DOCK2: variants seen among roughly 807,000 people sequenced by gnomAD.
The protein encoded by DOCK2 is dedicator of cytokinesis 2, also known as dedicator of cytokinesis protein 2.
DOCK2 carries 87 observed loss-of-function variants against 248.9 expected under a neutral mutation model. The ratio of observed to expected loss-of-function variants is 0.35; its 90% CI spans 0.29 to 0.42. The LOEUF (loss-of-function observed/expected upper bound fraction) is 0.42. Ranked by LOEUF, DOCK2 falls within the 10% of genes least tolerant of loss-of-function variation. The pLI is 1.00. For synonymous variants in DOCK2, 805 were observed against 821.6 expected (o/e 0.98, Z 0.35); for missense variants, 1,747 against 2,300.2 (o/e 0.76, Z 4.92).
Position 170,082,849 on chromosome 5 carries a change from G to C in DOCK2, c.5484G>C (p.Thr1828=), listed in dbSNP as rs140198889. ...EGKQIPDSLS[T]DL is the part of the protein sequence containing the mutation. ...AACAGATCCCAGACTCGCTGTCCAC[G>C]GACCTGTGAGCTGCTGCTGACTAGG... Residue 1828 remains threonine (T), a synonymous_variant, in exon 52 of 52, where the codon ACG becomes ACC. Coordinates refer to ENST00000520908, the MANE Select transcript of DOCK2 (RefSeq NM_004946.3). 1.2e-6 allele frequency: 2 copies of C among 1,614,162 alleles called. No individual in the cohort carries two copies. Among genetic ancestry groups the C allele is most frequent in the Non-Finnish European group, 1.7e-6 (2 of 1,180,018 alleles).
chr5:169,788,590 A>T (rs1766134793), intron 25 of DOCK2, among the ~76,000 whole-genome samples: 1 of 152,016 alleles, frequency 6.6e-6, no homozygotes, highest in Non-Finnish European at 1.5e-5. Context: ...TGATCAACAA[A>T]CTCTAGAACT....
chr5:169,809,087 C>A (rs1452192194), intron 26 of DOCK2, among the ~76,000 whole-genome samples: 1 of 151,962 alleles, frequency 6.6e-6, no homozygotes, highest in Non-Finnish European at 1.5e-5. Context: ...CACCTCCTGG[C>A]TCAAGCAATT....
At chr5:169,812,128 G>A (rs966504968) in intron 26 of DOCK2, among the ~76,000 whole-genome samples, 2 of 152,234 alleles carry the variant, frequency 1.3e-5, no homozygotes, top group African/African-American at 2.4e-5. Context: ...CACAGCAGGA[G>A]GTGAGCAGCT....
At position 169,869,253 on chromosome 5, in the gene DOCK2, A is replaced by G. The variant is rs549240275; in HGVS notation, c.2799+28401A>G. On this transcript the variant is annotated intron_variant, in intron 27 of 51. Transcript: ENST00000520908. ...GGAAGAACACACTCTTTATGTTTCT[A>G]TGGAAACACAGCAGGGTTTCATTAT... 1.7e-4 allele frequency among the ~76,000 whole-genome samples: 26 copies of G among 152,278 alleles called. 1 individual carries two copies. Among genetic ancestry groups the G allele is most frequent in the African/African-American group, 6.0e-4 (25 of 41,544 alleles).
chr5:169,934,877 A>G, intron 27 of DOCK2: 1 of 364,194 alleles, frequency 2.7e-6, no homozygotes, highest in Non-Finnish European at 5.5e-6. Context: ...AACAACTTTA[A>G]CCACCTTACA....
intron 25 of DOCK2, among the ~76,000 whole-genome samples, chr5:169,779,807 C>T (rs571253955): frequency 8.5e-5 from 13 of 152,090 alleles, no homozygotes; most frequent in Non-Finnish European, 1.5e-4. Flanking sequence ...CTGAACAACT[C>T]GCATCAGCTT....
At chr5:170,014,175 A>T (rs1246764007) in intron 32 of DOCK2, among the ~76,000 whole-genome samples, 1 of 152,120 alleles carries the variant, frequency 6.6e-6, no homozygotes, top group Non-Finnish European at 1.5e-5. Flanking sequence ...GGCTGCTGGG[A>T]ATAAATAGGA....
chr5:169,832,129 C>T (rs1336040275), intron 26 of DOCK2, among the ~76,000 whole-genome samples: 2 of 152,090 alleles, frequency 1.3e-5, no homozygotes, highest in Admixed American at 6.5e-5. Context: ...CTCTCTAATT[C>T]GTGTGTTGTG....
At chr5:170,046,717 G>A (rs936013577) in intron 39 of DOCK2, among the ~76,000 whole-genome samples, 1 of 151,976 alleles carries the variant, frequency 6.6e-6, no homozygotes, top group African/African-American at 2.4e-5. Flanking sequence ...CCTGCCCCGC[G>A]TGTACCTCCA....
intron 14 of DOCK2, among the ~76,000 whole-genome samples, chr5:169,707,749 G>A (rs1021571297): frequency 1.3e-5 from 2 of 152,218 alleles, no homozygotes; most frequent in Admixed American, 1.3e-4. Flanking sequence ...TGACGTGTTA[G>A]CTGTAGAAAT....
At chr5:169,864,500 T>C (rs1212711911) in intron 27 of DOCK2, 1 of 1,435,312 alleles carries the variant, frequency 7.0e-7, no homozygotes, top group Admixed American at 2.3e-5. Flanking sequence ...TGAATTCGAA[T>C]CAGCACAGAC....
At chr5:170,069,610 C>T (rs570743373) in intron 46 of DOCK2, among the ~76,000 whole-genome samples, 1 of 152,168 alleles carries the variant, frequency 6.6e-6, no homozygotes, top group African/African-American at 2.4e-5. Context: ...TGAGCCCCTA[C>T]TCCCACTTCT....
At chr5:169,669,770 T>C (rs7721990) in intron 3 of DOCK2, among the ~76,000 whole-genome samples, 90,555 of 151,984 alleles carry the variant, frequency 0.6, 27,321 homozygotes, top group South Asian at 0.72. Context: ...ATTTCACTAT[T>C]GTCTCCATGA....
At chr5:169,691,894 T>C (rs1279868965) in intron 9 of DOCK2, among the ~76,000 whole-genome samples, 1 of 151,746 alleles carries the variant, frequency 6.6e-6, no homozygotes, top group African/African-American at 2.4e-5. Flanking sequence ...TCTTGCTCTG[T>C]CGCCAGGCTG....
chr5:170,082,846 C>T lies in DOCK2; in HGVS notation c.5481C>T (p.Ser1827=). 1 of 1,614,190 alleles carries T rather than the reference C, an allele frequency of 6.2e-7. No individual in the cohort carries two copies. The highest frequency in any genetic ancestry group is 1.1e-5 in the South Asian group (1 of 91,080). Residue 1827 remains serine (S), a synonymous_variant, in exon 52 of 52, where the codon TCC becomes TCT. Transcript: ENST00000520908. ...EEGKQIPDSL[S]TDL ...GCAAACAGATCCCAGACTCGCTGTC[C>T]ACGGACCTGTGAGCTGCTGCTGACT...
intron 34 of DOCK2, among the ~76,000 whole-genome samples, chr5:170,030,941 A>G (rs1171600613): frequency 1.3e-5 from 2 of 152,238 alleles, no homozygotes; most frequent in Admixed American, 1.3e-4. Flanking sequence ...AGCCTTGCAT[A>G]GGAACACAAG....
At chr5:169,948,197 G>A (rs1776520778) in intron 27 of DOCK2, among the ~76,000 whole-genome samples, 1 of 152,116 alleles carries the variant, frequency 6.6e-6, no homozygotes, top group African/African-American at 2.4e-5. Flanking sequence ...TTATTTGTCT[G>A]CTGTGACCTA....
chr5:170,081,975 C>T lies in DOCK2; in HGVS notation c.5421C>T (p.Phe1807=). The T allele has an allele frequency of 1.9e-6, 3 of 1,613,786 alleles. No individual in the cohort carries two copies. Among genetic ancestry groups the T allele is most frequent in the South Asian group, 1.1e-5 (1 of 91,024 alleles). The part of the protein sequence containing the change: ...TLTRKKVNQF[F]KTMLASKSAE... ...CACGGAAGAAGGTCAATCAGTTCTTCAAGACAATGGTGAGGACATTGAGGG... is the reference window on the plus strand; with the variant it reads ...CACGGAAGAAGGTCAATCAGTTCTTTAAGACAATGGTGAGGACATTGAGGG... Residue 1807 remains phenylalanine (F), a synonymous_variant, in exon 51 of 52, where the codon TTC becomes TTT. Coordinates refer to ENST00000520908, the MANE Select transcript of DOCK2 (RefSeq NM_004946.3).
At chr5:169,890,548 G>A (rs753384928) in intron 27 of DOCK2, among the ~76,000 whole-genome samples, 14 of 151,962 alleles carry the variant, frequency 9.2e-5, no homozygotes, top group African/African-American at 2.2e-4. Flanking sequence ...ACCCCTTTCC[G>A]GCAGCTTTCT....
Sources: allele counts gnomAD v4.1 joint callset (sites outside exome capture counted in the v4.1 genomes callset), GRCh38; gene constraint gnomAD v4.1.1; transcripts MANE v1.5; gene names NCBI Gene and HGNC (gene_info 2026-07-23, HGNC 2026-07-21).